The following KCTD1 variants were observed in gnomAD, a reference collection of about 807,000 sequenced individuals.
The protein encoded by KCTD1 is BTB/POZ domain-containing protein KCTD1.
Under a neutral mutation model 66.0 loss-of-function variants are expected in KCTD1, and 24 were observed. The ratio of observed to expected loss-of-function variants is 0.36; its 90% confidence interval spans 0.26 to 0.51. The LOEUF (loss-of-function observed/expected upper bound fraction) is 0.51, where lower values mean the gene tolerates loss of function less well. KCTD1 is among the 20% of genes least tolerant of loss of function. The pLI is 0.95. For synonymous variants in KCTD1, 511 were observed against 517.2 expected, an observed-to-expected ratio of 0.99 and a Z score of 0.16; for missense variants, 943 against 1,205.2, an observed-to-expected ratio of 0.78 and a Z score of 3.22.
intron 1 of KCTD1, chr18:26,599,800 G>A: frequency 6.4e-7 from 1 of 1,565,752 alleles, no homozygotes; most frequent in Non-Finnish European, 8.8e-7. Context: ...GCTGCAGCGG[G>A]AGCCCCTAAC....
At chr18:26,496,544 A>G (rs1982480215) in intron 2 of KCTD1, among the ~76,000 whole-genome samples, 1 of 152,178 alleles carries the variant, frequency 6.6e-6, no homozygotes, top group Non-Finnish European at 1.5e-5. Flanking sequence ...TGCATCTTAC[A>G]TACACATTGG....
intron 1 of KCTD1, among the ~76,000 whole-genome samples, chr18:26,528,819 T>C (rs1333832581): frequency 6.6e-6 from 1 of 152,088 alleles, no homozygotes; most frequent in African/African-American, 2.4e-5. Flanking sequence ...AGGCCCACAG[T>C]TCCCCTCCTC....
At position 26,548,511 on chromosome 18, in the gene KCTD1, T is replaced by A; in HGVS notation, c.26A>T (p.Asp9Val). The A allele has an allele frequency of 8.1e-7, 1 of 1,238,416 alleles. No individual in the cohort carries two copies. The highest frequency in any genetic ancestry group is 1.0e-6 in the Non-Finnish European group (1 of 996,408). The allele number at this position is 1,238,416 out of a possible 1,614,324, so 76.7% of individuals were successfully genotyped here. A position where few individuals can be genotyped will look rare whatever the true frequency, so the allele number is the denominator to read the frequency against. MARMPGSG[D>V]CNTSAGGSAS... ...GCTGCCGCCCGCGCTGGTGTTACAG[T>A]CCCCGCTGCCAGGCATTCTCGCCAT... is the stretch of plus-strand genomic sequence containing the variant. The change falls in exon 1 of 5, where the codon GAC becomes GTC. Residue 9 changes from aspartate to valine, a missense_variant. Asp to Val is a radical substitution (Grantham distance 152, BLOSUM62 -3). Transcript: ENST00000580059.
rs141847049 is a variant in KCTD1, at chr18:26,651,916, G to A, written c.9+5444C>T. ...CGAGGTTTCGGGCATGTTACCTAGGGTGGGTGCAGAACAAGATGGGTGCAG... is the reference window on the plus strand; with the variant it reads ...CGAGGTTTCGGGCATGTTACCTAGGATGGGTGCAGAACAAGATGGGTGCAG... On this transcript the variant is annotated intron_variant, in intron 1 of 4. Transcript: ENST00000580191. Among the ~76,000 whole-genome samples the A allele has an allele frequency of 8.0e-3, 1,224 of 152,260 alleles. 14 individuals are homozygous for A. The highest frequency in any genetic ancestry group is 0.028 in the African/African-American group (1,157 of 41,542).
intron 1 of KCTD1, among the ~76,000 whole-genome samples, chr18:26,508,843 CT>C (rs1353272932): frequency 6.6e-6 from 1 of 152,110 alleles, no homozygotes; most frequent in Non-Finnish European, 1.5e-5. Flanking sequence ...AGGCAAGGAT[CT>C]TGCTTCCTGG....
chr18:26,476,805 C>T lies in KCTD1; in HGVS notation c.1989-146G>A, dbSNP rs1251380410. ...TACGATTGTCTGCAAAGTGTTGGTC[C>T]CCGCTTGATAAATATCTCAGGACGA... is the stretch of plus-strand genomic sequence containing the variant. On this transcript the variant is annotated intron_variant, in intron 2 of 4. Coordinates refer to ENST00000580059, the MANE Select transcript of KCTD1 (RefSeq NM_001142730.3). This position sits in a 1 kb window ranked among gnomAD's most constrained non-coding sequence, Gnocchi z 4.9. The T allele has an allele frequency of 3.0e-6, 2 of 657,978 alleles. No individual in the cohort carries two copies. The highest frequency in any genetic ancestry group is 2.6e-6 in the Non-Finnish European group (1 of 383,530). The allele number at this position is 657,978 out of a possible 1,614,324, so 40.8% of individuals were successfully genotyped here. A position where few individuals can be genotyped will look rare whatever the true frequency, so the allele number is the denominator to read the frequency against.
chr18:26,565,315 G>C (rs1263471829), intron 1 of KCTD1, among the ~76,000 whole-genome samples: 1 of 152,148 alleles, frequency 6.6e-6, no homozygotes, highest in African/African-American at 2.4e-5. Context: ...ATTCATCAAA[G>C]AGCTTGGAGA....
rs367813617 is a variant in KCTD1 at position 26,624,442 on chromosome 18, T to C, written c.-16+4705A>G. On this transcript the variant is annotated intron_variant, in intron 1 of 4. Coordinates refer to the KCTD1 transcript ENST00000317932. The stretch of plus-strand genomic sequence containing the variant: ...CAGCCTCAGGACATGGTGACCTGCA[T>C]CCCAGCTGCTTCAGCTCCAGCCATG... 2.1e-4 allele frequency among the ~76,000 whole-genome samples: 32 copies of C among 152,328 alleles called. 2 individuals carry two copies. The East Asian group carries it at 2.5e-3, about 12-fold the overall frequency.
intron 1 of KCTD1, among the ~76,000 whole-genome samples, chr18:26,608,990 G>A (rs900739532): frequency 2.0e-5 from 3 of 152,160 alleles, no homozygotes; most frequent in Non-Finnish European, 4.4e-5. Flanking sequence ...TATGATGCTT[G>A]TTTTATAGAT....
chr18:26,536,337 T>C (rs536908617), intron 1 of KCTD1, among the ~76,000 whole-genome samples: 4 of 152,340 alleles, frequency 2.6e-5, no homozygotes, highest in African/African-American at 9.6e-5. Flanking sequence ...GGCTCATATG[T>C]GGTGGAATGT....
chr18:26,657,158 G>C (rs1283195239), intron 1 of KCTD1, among the ~76,000 whole-genome samples: 1 of 151,608 alleles, frequency 6.6e-6, no homozygotes, highest in Non-Finnish European at 1.5e-5. Context: ...AACCGGGAGC[G>C]GCAGCCCCGG....
At chr18:26,575,549 G>T (rs192504127) in intron 1 of KCTD1, 1 of 152,320 alleles carries the variant, frequency 6.6e-6, no homozygotes, top group Non-Finnish European at 1.5e-5. Flanking sequence ...GGTCAGAAAT[G>T]GTGTGGTCTG....
chr18:26,493,116 G>C lies in KCTD1; in HGVS notation c.1988+7956C>G, dbSNP rs556058773. 1.6e-4 allele frequency among the ~76,000 whole-genome samples: 25 copies of C among 152,328 alleles called. No homozygotes were observed. In the South Asian group the frequency reaches 5.2e-3, roughly 32 times the overall value. ...CCTCCCTTCCAGGGAGAGGGTTTCT[G>C]TCTATGATGAGACTGAGTTTTGGGT... is the stretch of plus-strand genomic sequence containing the variant. On this transcript the variant is annotated intron_variant, in intron 2 of 4. Transcript: ENST00000580059.
At chr18:26,531,026 T>C (rs1052137531) in intron 1 of KCTD1, among the ~76,000 whole-genome samples, 1 of 152,234 alleles carries the variant, frequency 6.6e-6, no homozygotes, top group East Asian at 1.9e-4. Flanking sequence ...GCATGGGGAA[T>C]AGGGCAGTGA....
chr18:26,582,258 G>C (rs1454185797), intron 1 of KCTD1, among the ~76,000 whole-genome samples: 2 of 130,880 alleles, frequency 1.5e-5, no homozygotes. Flanking sequence ...AGGTGACAGA[G>C]TGACACCCCG....
At chr18:26,533,173 A>G (rs1984531031) in intron 1 of KCTD1, among the ~76,000 whole-genome samples, 1 of 152,222 alleles carries the variant, frequency 6.6e-6, no homozygotes, top group South Asian at 2.1e-4. Context: ...ATTCTTCAGG[A>G]ATGAGATATG....
chr18:26,508,572 A>G (rs1447470478), intron 1 of KCTD1, among the ~76,000 whole-genome samples: 15 of 152,220 alleles, frequency 9.9e-5, no homozygotes. Flanking sequence ...TTTCTTAGTG[A>G]TACCTCCAGA....
intron 1 of KCTD1, among the ~76,000 whole-genome samples, chr18:26,530,720 G>A (rs886142197): frequency 2.0e-5 from 3 of 152,312 alleles, no homozygotes; most frequent in Non-Finnish European, 4.4e-5. Flanking sequence ...TGTCTTAATC[G>A]TCTGACCCTG....
intron 1 of KCTD1, among the ~76,000 whole-genome samples, chr18:26,649,433 C>T (rs545025718): frequency 5.8e-4 from 88 of 152,234 alleles, no homozygotes; most frequent in African/African-American, 1.9e-3. Context: ...ACAGACGGCT[C>T]GGAGGTGCTG....
Sources: allele counts gnomAD v4.1 joint callset (sites outside exome capture counted in the v4.1 genomes callset), GRCh38; gene constraint gnomAD v4.1.1; non-coding constraint Gnocchi (gnomAD v3.1); transcripts MANE v1.5; gene names NCBI Gene and HGNC (gene_info 2026-07-23, HGNC 2026-07-21).